Variants in CPLANE1 observed in about 807,000 individuals in gnomAD.
CPLANE1 encodes the protein ciliogenesis and planar polarity effector 1.
Under a neutral mutation model 362.5 loss-of-function variants are expected in CPLANE1, and 263 were observed. The observed-to-expected ratio is 0.73, with a 90% CI of 0.66 to 0.80. The LOEUF (loss-of-function observed/expected upper bound fraction) is 0.80, where lower values mean the gene tolerates loss of function less well. Ranked by LOEUF, CPLANE1 falls within the 30% of genes least tolerant of loss-of-function variation. CPLANE1 has a pLI of 0.00. For synonymous variants in CPLANE1, 1,212 were observed against 1,302.6 expected (o/e 0.93, Z 1.50); for missense variants, 3,461 against 3,793.4 (o/e 0.91, Z 2.30).
intron 21 of CPLANE1, among the ~76,000 whole-genome samples, chr5:37,189,344 G>A (rs1784848928): frequency 6.6e-6 from 1 of 152,112 alleles, no homozygotes; most frequent in African/African-American, 2.4e-5. Flanking sequence ...AGGATGGTGG[G>A]TACATGGCCC....
chr5:37,187,547 C>G lies in CPLANE1; in HGVS notation c.3947G>C (p.Cys1316Ser). 6.2e-7 allele frequency: 1 copy of G among 1,607,412 alleles called. No homozygotes were observed. The highest frequency in any genetic ancestry group is 8.5e-7 in the Non-Finnish European group (1 of 1,178,338). The change falls in exon 23 of 53, where the codon TGT becomes TCT. Residue 1316 changes from cysteine (C) to serine (S), a missense_variant. By Grantham distance (112) the Cys-to-Ser change is moderately radical (BLOSUM62 -1). This residue lies in a region of CPLANE1 where 3,380 missense variants were observed against 3,666.1 expected (regional missense o/e 0.92). Coordinates refer to ENST00000651892, the MANE Select transcript of CPLANE1 (RefSeq NM_001384732.1). The stretch of plus-strand genomic sequence containing the variant: ...TGCACTAAGACAGTGCTCAATCATA[C>G]AAGAATCAAACTCCACTTCAAGGTC... ...EKDLEVEFDS[C>S]MIEHCLSAVE...
Position 37,107,412 on chromosome 5 carries a change from C to G in CPLANE1, c.*190G>C. On this transcript the variant is annotated 3_prime_UTR_variant, in exon 53 of 53. Transcript: ENST00000651892. ...AATACATCAATAGTCAACCCTTTCC[C>G]CATAAAGGCAAAGTTACTGAGAAAT... 7.8e-7 allele frequency: 1 copy of G among 1,277,602 alleles called. No individual in the cohort carries two copies. The highest frequency in any genetic ancestry group is 9.9e-7 in the Non-Finnish European group (1 of 1,007,460). The allele number at this position is 1,277,602 out of a possible 1,614,324, so 79.1% of individuals were successfully genotyped here. A position where few individuals can be genotyped will look rare whatever the true frequency, so the allele number is the denominator to read the frequency against.
In CPLANE1 at chr5:37,244,539, CAGA is replaced by C. The variant is rs1738830895; in HGVS notation, c.403_405del (p.Ser135del). On this transcript the variant is annotated inframe_deletion, in exon 5 of 53. Coordinates refer to ENST00000651892, the MANE Select transcript of CPLANE1 (RefSeq NM_001384732.1). ...AAATATTCCCAAAGAAATATGCATC[CAGA>C]AGGTGTTATGAGCACAATTCTTTTC... is the stretch of plus-strand genomic sequence containing the variant. The C allele has an allele frequency of 3.2e-6, 5 of 1,551,552 alleles. No homozygotes were observed. The highest frequency in any genetic ancestry group is 4.4e-6 in the Non-Finnish European group (5 of 1,146,934).
At chr5:37,117,535 C>T (rs1761379262) in intron 50 of CPLANE1, among the ~76,000 whole-genome samples, 1 of 151,912 alleles carries the variant, frequency 6.6e-6, no homozygotes, top group South Asian at 2.1e-4. Flanking sequence ...TAAAGAATTA[C>T]AATTAGGAAT....
intron 7 of CPLANE1, 124 bp downstream of exon 7, chr5:37,239,589 A>C: frequency 1.5e-6 from 1 of 687,038 alleles, no homozygotes; most frequent in Non-Finnish European, 2.1e-6. Flanking sequence ...TCAAAAAAAA[A>C]AAAAAAAAAA....
chr5:37,200,551 C>T (rs1788852900), intron 19 of CPLANE1, among the ~76,000 whole-genome samples: 2 of 151,948 alleles, frequency 1.3e-5, no homozygotes, highest in Admixed American at 1.3e-4. Flanking sequence ...AAATAAAAAA[C>T]TAGAGGTAGA....
intron 19 of CPLANE1, among the ~76,000 whole-genome samples, chr5:37,200,765 T>A (rs1788935376): frequency 6.6e-6 from 1 of 152,062 alleles, no homozygotes; most frequent in Non-Finnish European, 1.5e-5. Context: ...AATATAGAAC[T>A]ATCAATTGAA....
chr5:37,087,157 G>A, the CPLANE1 span, among the ~76,000 whole-genome samples: 2 of 152,276 alleles, frequency 1.3e-5, no homozygotes, highest in Non-Finnish European at 2.9e-5. Flanking sequence ...CATGGTTCCC[G>A]AAAGAAGGCA....
At chr5:37,234,886 T>A (rs1011305963) in intron 8 of CPLANE1, among the ~76,000 whole-genome samples, 1 of 152,222 alleles carries the variant, frequency 6.6e-6, no homozygotes, top group Non-Finnish European at 1.5e-5. Flanking sequence ...ATAGTCTTAA[T>A]AGACGTTGTT....
rs1157980899 is a variant in CPLANE1, at chr5:37,201,812, T to C, written c.3290-4A>G. ...GCATCTTCCTCTTCAATGGGATCTA[T>C]CAAATACAAAAATTTGGTAAAATAG... On this transcript the variant is annotated splice_region_variant and splice_polypyrimidine_tract_variant and intron_variant, in intron 18 of 52. Coordinates refer to ENST00000651892, the MANE Select transcript of CPLANE1 (RefSeq NM_001384732.1). The C allele has an allele frequency of 6.3e-7, 1 of 1,588,238 alleles. No homozygotes were observed. Among genetic ancestry groups the C allele is most frequent in the South Asian group, 1.1e-5 (1 of 88,058 alleles).
Position 37,158,790 on chromosome 5 carries a change from A to AT in CPLANE1, c.7691-446dup, listed in dbSNP as rs11347966. Among the ~76,000 whole-genome samples, 387 of 138,800 alleles carry AT rather than the reference A, an allele frequency of 2.8e-3. 2 individuals are homozygous for AT. Among genetic ancestry groups the AT allele is most frequent in the East Asian group, 5.3e-3 (26 of 4,896 alleles). 91.1% of individuals were successfully genotyped at this position (138,800 alleles called of 152,430 possible). A position where few individuals can be genotyped will look rare whatever the true frequency, so the allele number is the denominator to read the frequency against. On this transcript the variant is annotated intron_variant, in intron 38 of 52. Transcript: ENST00000651892. The stretch of plus-strand genomic sequence containing the variant: ...ACAGCTTTATTGAAACATAATTCAC[A>AT]TTTTTTTTTTTTTTTTGAGACAGAG...
At chr5:37,199,984 G>T (rs904480564) in intron 19 of CPLANE1, among the ~76,000 whole-genome samples, 1 of 152,160 alleles carries the variant, frequency 6.6e-6, no homozygotes, top group East Asian at 1.9e-4. Context: ...CAATCACTGT[G>T]CCCATGGACA....
Position 37,169,174 on chromosome 5 carries a change from A to G in CPLANE1, c.6850T>C (p.Leu2284=). Residue 2284 remains leucine, a synonymous_variant, in exon 34 of 53, where the codon TTG becomes CTG. Coordinates refer to ENST00000651892, the MANE Select transcript of CPLANE1 (RefSeq NM_001384732.1). ...TCAGTGTTATACTGGCTTACATTCA[A>G]ATGGGATGCTGGAGTAGTTTGTGCT... is the stretch of plus-strand genomic sequence containing the variant. ...RAAQTTPASH[L]NVSQYNTEAR... The G allele has an allele frequency of 6.2e-7, 1 of 1,613,962 alleles. No individual in the cohort carries two copies. Among genetic ancestry groups the G allele is most frequent in the Non-Finnish European group, 8.5e-7 (1 of 1,179,978 alleles).
rs1335463376 is a variant in CPLANE1 at position 37,227,575 on chromosome 5, A to G, written c.1364T>C (p.Leu455Ser). ...TATAAAAAAGCACTATACCTTAGACAATATCACACTTTGATATATTTTCTC... is the reference window on the plus strand; with the variant it reads ...TATAAAAAAGCACTATACCTTAGACGATATCACACTTTGATATATTTTCTC... ...RLEKIYQSVILSKPKGKGLNL... is the reference protein window; with the variant it reads ...RLEKIYQSVISSKPKGKGLNL... Residue 455 changes from leucine to serine, a missense_variant, in exon 10 of 53, where the codon TTG becomes TCG. Transcript: ENST00000651892. 1.9e-6 allele frequency: 3 copies of G among 1,550,040 alleles called. No homozygotes were observed. In the Admixed American group the frequency reaches 5.9e-5, roughly 31 times the overall value.
Position 37,162,466 on chromosome 5 carries a change from T to G in CPLANE1, c.7689A>C (p.Pro2563=). 1 of 1,585,452 alleles carries G rather than the reference T, an allele frequency of 6.3e-7. No individual in the cohort carries two copies. Among genetic ancestry groups the G allele is most frequent in the Middle Eastern group, 1.7e-4 (1 of 6,000 alleles). ...TTTAAAAAGTAAAACAGCATTTACCTGGGTCTGTATTTGTACTTGCATCTT... is the reference window on the plus strand; with the variant it reads ...TTTAAAAAGTAAAACAGCATTTACCGGGGTCTGTATTTGTACTTGCATCTT... ...GSQDASTNTD[P]EHEPLTAPQL... Residue 2563 remains proline, a splice_region_variant and synonymous_variant, in exon 38 of 53, where the codon CCA becomes CCC. Coordinates refer to ENST00000651892, the MANE Select transcript of CPLANE1 (RefSeq NM_001384732.1).
At chr5:37,082,758 G>C in the CPLANE1 span, among the ~76,000 whole-genome samples, 3 of 144,182 alleles carry the variant, frequency 2.1e-5, no homozygotes, top group Non-Finnish European at 4.5e-5. Context: ...TTCCATGTAC[G>C]TGGAAACCCA....
chr5:37,178,688 T>G (rs1198510195), intron 29 of CPLANE1, among the ~76,000 whole-genome samples: 1 of 151,894 alleles, frequency 6.6e-6, no homozygotes, highest in Non-Finnish European at 1.5e-5. Context: ...ATTCAGTGTA[T>G]AGAGTTTTGA....
chr5:37,191,984 G>C (rs943924324), intron 21 of CPLANE1, among the ~76,000 whole-genome samples: 2 of 152,184 alleles, frequency 1.3e-5, no homozygotes, highest in South Asian at 2.1e-4. Context: ...AGAAATGTCC[G>C]AGGCCTTCAA....
intron 52 of CPLANE1, 151 bp from the exon 53 acceptor site, chr5:37,107,929 G>T: frequency 1.5e-5 from 19 of 1,258,282 alleles, no homozygotes; most frequent in Non-Finnish European, 2.0e-5. Flanking sequence ...AGGAAATAGG[G>T]CTGTGATTGC....
Sources: gnomAD v4.1 joint callset for allele counts (sites outside exome capture counted in the v4.1 genomes callset) on GRCh38, gnomAD v4.1.1 for gene constraint, gnomAD v4.1.1 regional missense constraint, MANE v1.5 for transcripts, NCBI Gene and HGNC (gene_info 2026-07-23, HGNC 2026-07-21) for gene names.